FBXW11: variants seen among roughly 807,000 people sequenced by gnomAD.
FBXW11 encodes F-box/WD repeat-containing protein 11.
In FBXW11, 19 loss-of-function variants were observed where a neutral mutation model predicts 77.6. The ratio of observed to expected loss-of-function variants is 0.24; its 90% confidence interval spans 0.17 to 0.36. The LOEUF (loss-of-function observed/expected upper bound fraction) is 0.36, where lower values mean the gene tolerates loss of function less well. Among genes scored for constraint, FBXW11 ranks in the 10% least tolerant of loss-of-function variants. FBXW11 has a pLI of 1.00. For synonymous variants in FBXW11, 235 were observed against 249.4 expected, an observed-to-expected ratio of 0.94 and a Z score of 0.54; for missense variants, 334 against 704.2, an observed-to-expected ratio of 0.47 and a Z score of 5.95.
At chr5:171,952,448 T>TA (rs1491271340) in intron 2 of FBXW11, among the ~76,000 whole-genome samples, 104 of 10,696 alleles carry the variant, frequency 9.7e-3, no homozygotes, top group Middle Eastern at 0.045. Context: ...TATATATATA[T>TA]TTTTTTTTTT....
In FBXW11 at chr5:171,900,068, G is replaced by C; in HGVS notation, c.469C>G (p.Leu157Val). 1 of 1,613,342 alleles carries C rather than the reference G, an allele frequency of 6.2e-7. No individual in the cohort carries two copies. Among genetic ancestry groups the C allele is most frequent in the Non-Finnish European group, 8.5e-7 (1 of 1,179,520 alleles). Residue 157 changes from leucine (L) to valine (V), a missense_variant, in exon 5 of 14, where the codon CTT (leucine) becomes GTT (valine). Physicochemically the swap from Leu to Val is conservative, Grantham distance 32. Transcript: ENST00000517395. The part of the protein sequence containing the change: ...QGLDHIAENI[L>V]SYLDARSLCA... ...AGAGACCTGGCATCCAGGTACGAAA[G>C]AATGTTTTCTGCTATGTGATCTAAG... is the stretch of plus-strand genomic sequence containing the variant.
At chr5:171,920,417 A>T (rs896835968) in intron 2 of FBXW11, among the ~76,000 whole-genome samples, 6 of 32,282 alleles carry the variant, frequency 1.9e-4, no homozygotes, top group East Asian at 8.5e-4. Context: ...ACCGCTATTT[A>T]AAAAAAAAAA....
At chr5:171,917,766 C>CTG (rs60601173) in intron 2 of FBXW11, among the ~76,000 whole-genome samples, 38,135 of 147,368 alleles carry the variant, frequency 0.26, 4,794 homozygotes, top group East Asian at 0.32. Flanking sequence ...TAGACTCACT[C>CTG]TGTGTGTGTG....
chr5:171,937,643 A>G (rs2113141747), intron 2 of FBXW11, among the ~76,000 whole-genome samples: 1 of 152,128 alleles, frequency 6.6e-6, no homozygotes, highest in South Asian at 2.1e-4. Flanking sequence ...CCTGATCAAC[A>G]TGGTGAAACC....
intron 2 of FBXW11, among the ~76,000 whole-genome samples, chr5:171,946,948 G>A (rs906686462): frequency 9.2e-5 from 14 of 151,484 alleles, no homozygotes; most frequent in African/African-American, 3.4e-4. Flanking sequence ...CCAAGTAGAT[G>A]GGATTGCAGG....
At chr5:171,900,427 C>T (rs75431779) in intron 4 of FBXW11, among the ~76,000 whole-genome samples, 3,522 of 152,184 alleles carry the variant, frequency 0.023, 129 homozygotes, top group African/African-American at 0.079. Context: ...AGGGCAATGA[C>T]GCCCCAAGTT....
intron 1 of FBXW11, among the ~76,000 whole-genome samples, chr5:171,997,915 G>A (rs561480539): frequency 4.3e-4 from 66 of 152,330 alleles, no homozygotes; most frequent in African/African-American, 9.1e-4. Context: ...TGCTCCTGCA[G>A]TAATTATAGT....
chr5:171,989,825 T>G (rs1765635752), intron 1 of FBXW11, among the ~76,000 whole-genome samples: 1 of 152,228 alleles, frequency 6.6e-6, no homozygotes, highest in African/African-American at 2.4e-5. Context: ...ATGCTTGATA[T>G]TATATTATGG....
chr5:171,988,906 G>A (rs987403253), intron 1 of FBXW11, among the ~76,000 whole-genome samples: 1 of 151,732 alleles, frequency 6.6e-6, no homozygotes, highest in East Asian at 1.9e-4. Context: ...GCCCAGCATG[G>A]TGGCTCACGC....
At chr5:171,977,570 T>C (rs549857226) in intron 1 of FBXW11, 11 of 450,938 alleles carry the variant, frequency 2.4e-5, no homozygotes, top group Non-Finnish European at 4.9e-5. Flanking sequence ...GTCCGTTTCA[T>C]GCTGCCAATA....
At chr5:171,975,227 C>T (rs370371336) in intron 1 of FBXW11, among the ~76,000 whole-genome samples, 6 of 152,238 alleles carry the variant, frequency 3.9e-5, no homozygotes, top group African/African-American at 1.4e-4. Flanking sequence ...AAAAATCAAC[C>T]TAAAACTCCA....
intron 2 of FBXW11, among the ~76,000 whole-genome samples, chr5:171,922,338 A>G (rs570823204): frequency 1.5e-4 from 23 of 152,338 alleles, no homozygotes; most frequent in African/African-American, 5.3e-4. Context: ...ACATAGAACA[A>G]TGACTGGTAA....
chr5:171,944,722 C>A (rs1305797356), intron 2 of FBXW11, among the ~76,000 whole-genome samples: 1 of 151,714 alleles, frequency 6.6e-6, no homozygotes, highest in Admixed American at 6.6e-5. Context: ...CAAAAGAGAA[C>A]TTTTTAAAGC....
At chr5:171,938,029 T>C (rs993955202) in intron 2 of FBXW11, among the ~76,000 whole-genome samples, 8 of 151,904 alleles carry the variant, frequency 5.3e-5, no homozygotes, top group African/African-American at 1.9e-4. Flanking sequence ...AACACCAAAA[T>C]CCCAATAAGA....
chr5:171,942,829 T>A (rs1171950930), intron 2 of FBXW11, among the ~76,000 whole-genome samples: 1 of 151,998 alleles, frequency 6.6e-6, no homozygotes, highest in Non-Finnish European at 1.5e-5. Context: ...TCAATTAAAT[T>A]TTTTAAATTT....
At chr5:171,955,526 G>T (rs1296620848) in intron 2 of FBXW11, among the ~76,000 whole-genome samples, 1 of 152,178 alleles carries the variant, frequency 6.6e-6, no homozygotes, top group South Asian at 2.1e-4. Context: ...ACTGTTTGGA[G>T]ACTGGAGGTA....
At chr5:171,950,808 AC>A (rs1325300825) in intron 2 of FBXW11, among the ~76,000 whole-genome samples, 1 of 152,068 alleles carries the variant, frequency 6.6e-6, no homozygotes, top group African/African-American at 2.4e-5. Flanking sequence ...GATCACTTGA[AC>A]CTGGGAGGCA....
At position 171,876,890 on chromosome 5, in the gene FBXW11, T is replaced by C. The variant is rs1254819593; in HGVS notation, c.972-356A>G. Reference sequence around the variant, plus strand: ...GCTCCCCTTTGCCTTCTGCCATGAGTAGAAGTAGCTCGAAGCCCTCATCAG... The same window carrying C: ...GCTCCCCTTTGCCTTCTGCCATGAGCAGAAGTAGCTCGAAGCCCTCATCAG... On this transcript the variant is annotated intron_variant, in intron 8 of 13. Transcript: ENST00000517395. The surrounding 1 kb of genome is among the most constrained non-coding windows in gnomAD (Gnocchi z 4.2). Among the ~76,000 whole-genome samples the C allele has an allele frequency of 6.6e-6, 1 of 152,124 alleles. No homozygotes were observed. The highest frequency in any genetic ancestry group is 2.4e-5 in the African/African-American group (1 of 41,418).
intron 2 of FBXW11, among the ~76,000 whole-genome samples, chr5:171,923,842 A>G (rs187718794): frequency 9.1e-4 from 135 of 148,936 alleles, no homozygotes; most frequent in African/African-American, 3.2e-3. Flanking sequence ...ACACATACAC[A>G]CGTGATAGCA....
Sources: gnomAD v4.1 joint callset for allele counts (sites outside exome capture counted in the v4.1 genomes callset) on GRCh38, gnomAD v4.1.1 for gene constraint, Gnocchi (gnomAD v3.1) non-coding constraint, MANE v1.5 for transcripts, NCBI Gene and HGNC (gene_info 2026-07-23, HGNC 2026-07-21) for gene names.